UBR7: variants seen among roughly 807,000 people sequenced by gnomAD.
UBR7 encodes the protein putative E3 ubiquitin-protein ligase UBR7.
A neutral mutation model predicts 57.0 loss-of-function variants in UBR7; 22 were observed. That is an observed-to-expected ratio of 0.39 (90% CI 0.28 to 0.55). The LOEUF (loss-of-function observed/expected upper bound fraction) is 0.55. UBR7 is among the 20% of genes least tolerant of loss of function. The probability of loss-of-function intolerance (pLI) is 0.69; values close to 1 mark genes in which losing one functional copy is unlikely to be tolerated. For synonymous variants in UBR7, 167 were observed against 179.8 expected (o/e 0.93, Z 0.57); for missense variants, 395 against 513.2 (o/e 0.77, Z 2.23).
intron 10 of UBR7, 79 bp from the exon 11 acceptor site, chr14:93,226,864 C>A: frequency 2.3e-6 from 2 of 879,036 alleles, no homozygotes; most frequent in African/African-American, 1.7e-5. Context: ...TATCATTTGA[C>A]TTGTTTGTGA....
At chr14:93,209,130 A>T (rs1894429559) in intron 1 of UBR7, among the ~76,000 whole-genome samples, 1 of 152,138 alleles carries the variant, frequency 6.6e-6, no homozygotes, top group South Asian at 2.1e-4. Flanking sequence ...TCACTTTTTA[A>T]CATTTTGTCA....
At position 93,214,952 on chromosome 14, in the gene UBR7, C is replaced by T. The variant is rs567093314; in HGVS notation, c.465C>T (p.Cys155=). The T allele has an allele frequency of 1.9e-6, 3 of 1,613,736 alleles. No individual in the cohort carries two copies. Among genetic ancestry groups the T allele is most frequent in the East Asian group, 2.2e-5 (1 of 44,874 alleles). ...AGATTCCAGATGAGATGATCCAGTG[C>T]GTAGTCTGTGAAGACTGGTTCCATG... ...EDEIPDEMIQ[C]VVCEDWFHGR... Residue 155 remains cysteine (C), a synonymous_variant, in exon 5 of 11, where the codon TGC becomes TGT. Coordinates refer to ENST00000013070, the MANE Select transcript of UBR7 (RefSeq NM_175748.4).
chr14:93,214,762 A>G (rs1894556723), intron 4 of UBR7, among the ~76,000 whole-genome samples, 167 bp from the exon 5 acceptor site: 3 of 152,248 alleles, frequency 2.0e-5, no homozygotes, highest in Admixed American at 1.3e-4. Flanking sequence ...TAAGTAATGG[A>G]TGTGAAAGAG....
Position 93,227,258 on chromosome 14 carries a change from T to G in UBR7, c.*223T>G, listed in dbSNP as rs10144530. 0.46 allele frequency: 281,911 copies of G among 619,022 alleles called. 66,655 individuals are homozygous for G. The highest frequency in any genetic ancestry group is 0.51 in the Non-Finnish European group (169,241 of 334,130). The allele number at this position is 619,022 out of a possible 1,614,324, so 38.3% of individuals were successfully genotyped here. The stretch of plus-strand genomic sequence containing the variant: ...TGATGCAGCTCATTCCACAGACTTC[T>G]CCAGTGTACTCCTACTCCAGTGCAC... On this transcript the variant is annotated 3_prime_UTR_variant, in exon 11 of 11. Coordinates refer to ENST00000013070, the MANE Select transcript of UBR7 (RefSeq NM_175748.4).
At chr14:93,209,185 A>T (rs1368997913) in intron 1 of UBR7, among the ~76,000 whole-genome samples, 1 of 152,214 alleles carries the variant, frequency 6.6e-6, no homozygotes, top group Non-Finnish European at 1.5e-5. Context: ...CTGTTTTAAA[A>T]TTTTGAACTA....
At chr14:93,211,100 G>A (rs1466732261) in intron 3 of UBR7, among the ~76,000 whole-genome samples, 1 of 152,110 alleles carries the variant, frequency 6.6e-6, no homozygotes. Flanking sequence ...GCTGGGCATG[G>A]TGGCACCCAG....
At chr14:93,225,594 CTG>C (rs1244074635) in intron 10 of UBR7, among the ~76,000 whole-genome samples, 1 of 152,166 alleles carries the variant, frequency 6.6e-6, no homozygotes, top group African/African-American at 2.4e-5. Context: ...CATCACACCT[CTG>C]TACTCCAGCC....
At chr14:93,211,064 T>C (rs1894472014) in intron 3 of UBR7, among the ~76,000 whole-genome samples, 1 of 152,084 alleles carries the variant, frequency 6.6e-6, no homozygotes, top group Non-Finnish European at 1.5e-5. Flanking sequence ...GGTGAAACCC[T>C]GTCTCTACTA....
intron 10 of UBR7, among the ~76,000 whole-genome samples, chr14:93,224,507 T>C (rs1408215614): frequency 1.3e-5 from 2 of 151,312 alleles, no homozygotes; most frequent in Non-Finnish European, 2.9e-5. Context: ...GCCTCCCAAG[T>C]AGCTGGACTA....
chr14:93,222,290 A>T, intron 9 of UBR7, 23 bp from the exon 10 acceptor site: 14 of 1,548,916 alleles, frequency 9.0e-6, no homozygotes, highest in Non-Finnish European at 1.2e-5. Context: ...CTAAACTTAA[A>T]TACTTTTGTG....
chr14:93,223,582 G>A, intron 10 of UBR7: 1 of 908,748 alleles, frequency 1.1e-6, no homozygotes, highest in Non-Finnish European at 1.7e-6. Flanking sequence ...GGCACACCCG[G>A]GCGAGGGCCC....
chr14:93,220,219 TTTC>T lies in UBR7; in HGVS notation c.961-27_961-25del, dbSNP rs1175168453. On this transcript the variant is annotated intron_variant, in intron 8 of 10. Coordinates refer to ENST00000013070, the MANE Select transcript of UBR7 (RefSeq NM_175748.4). ...AACAGTTCTAATGGGGAAACTCCTC[TTTC>T]TTTTTTTTTTTTTTTTTTCCCTAAA... is the stretch of plus-strand genomic sequence containing the variant. The T allele has an allele frequency of 3.8e-4, 597 of 1,576,142 alleles. 2 individuals are homozygous for T. The African/African-American group carries it at 7.3e-3, about 19-fold the overall frequency.
chr14:93,228,527 T>C lies in UBR7; in HGVS notation c.*1492T>C, dbSNP rs11547259. ...ATAAAAAGTCAAAGCCTCAAAGAAATGGCACAACCATGTTCTTCGGCACTC... is the reference window on the plus strand; with the variant it reads ...ATAAAAAGTCAAAGCCTCAAAGAAACGGCACAACCATGTTCTTCGGCACTC... On this transcript the variant is annotated 3_prime_UTR_variant, in exon 11 of 11. Transcript: ENST00000013070. 8.4e-3 allele frequency: 3,835 copies of C among 454,024 alleles called. 127 individuals are homozygous for C. Among genetic ancestry groups the C allele is most frequent in the African/African-American group, 0.07 (3,513 of 50,090 alleles). The allele number at this position is 454,024 out of a possible 1,614,324, so 28.1% of individuals were successfully genotyped here. A position where few individuals can be genotyped will look rare whatever the true frequency, so the allele number is the denominator to read the frequency against.
intron 10 of UBR7, among the ~76,000 whole-genome samples, chr14:93,224,796 T>C (rs1894812131): frequency 6.6e-6 from 1 of 152,230 alleles, no homozygotes; most frequent in African/African-American, 2.4e-5. Context: ...ATGGGTGTAA[T>C]GGGGCACTCT....
chr14:93,223,748 C>T, intron 10 of UBR7: 1 of 767,260 alleles, frequency 1.3e-6, no homozygotes, highest in Non-Finnish European at 2.3e-6. Flanking sequence ...ATCTCCTTCA[C>T]CTTCAGGATC....
Position 93,220,279 on chromosome 14 carries a change from C to G in UBR7, c.991C>G (p.Leu331Val). 6.2e-7 allele frequency: 1 copy of G among 1,603,276 alleles called. No individual in the cohort carries two copies. Among genetic ancestry groups the G allele is most frequent in the Non-Finnish European group, 8.5e-7 (1 of 1,177,958 alleles). ...KMYGDLDVLF[L>V]TDEYDTVLAY... ...GTATGGAGATCTAGATGTCTTATTCCTGACAGATGAATACGACACAGTTCT... is the reference window on the plus strand; with the variant it reads ...GTATGGAGATCTAGATGTCTTATTCGTGACAGATGAATACGACACAGTTCT... Residue 331 changes from leucine (L) to valine (V), a missense_variant, in exon 9 of 11, where the codon CTG becomes GTG. Transcript: ENST00000013070.
chr14:93,223,958 T>A, intron 10 of UBR7: 1 of 730,520 alleles, frequency 1.4e-6, no homozygotes, highest in Non-Finnish European at 2.4e-6. Flanking sequence ...GTAGACAATC[T>A]CCCCTGAAGA....
intron 1 of UBR7, among the ~76,000 whole-genome samples, chr14:93,208,011 G>T (rs972745809): frequency 2.0e-5 from 3 of 151,944 alleles, no homozygotes; most frequent in African/African-American, 4.8e-5. Flanking sequence ...TCTGCAGTCT[G>T]CCCCCCTCCC....
At chr14:93,214,301 C>G (rs1214745428) in intron 4 of UBR7, among the ~76,000 whole-genome samples, 2 of 152,138 alleles carry the variant, frequency 1.3e-5, no homozygotes, top group African/African-American at 4.8e-5. Context: ...TTTTTATTCC[C>G]TTTAAGAAGC....
Sources: gnomAD v4.1 joint callset for allele counts (sites outside exome capture counted in the v4.1 genomes callset) on GRCh38, gnomAD v4.1.1 for gene constraint, MANE v1.5 for transcripts, NCBI Gene and HGNC (gene_info 2026-07-23, HGNC 2026-07-21) for gene names.